Variants in STK24 observed in about 807,000 individuals in gnomAD.
STK24 encodes serine/threonine kinase 24.
STK24 carries 21 observed loss-of-function variants against 55.6 expected under a neutral mutation model. The observed-to-expected ratio is 0.38, with a 90% CI of 0.27 to 0.54. STK24 has a LOEUF of 0.54. Ranked by LOEUF, STK24 falls within the 20% of genes least tolerant of loss-of-function variation. The pLI, the probability that STK24 is intolerant of heterozygous loss-of-function variation, is 0.79. For synonymous variants in STK24, 200 were observed against 215.2 expected, an observed-to-expected ratio of 0.93 and a Z score of 0.62; for missense variants, 383 against 538.4, an observed-to-expected ratio of 0.71 and a Z score of 2.86.
At chr13:98,540,112 A>G (rs1422960435) in intron 1 of STK24, among the ~76,000 whole-genome samples, 1 of 152,224 alleles carries the variant, frequency 6.6e-6, no homozygotes, top group Non-Finnish European at 1.5e-5. Flanking sequence ...AGCCAGTCAC[A>G]AAGGAACACA....
chr13:98,573,532 A>T (rs1387887510), intron 1 of STK24, among the ~76,000 whole-genome samples: 1 of 152,238 alleles, frequency 6.6e-6, no homozygotes, highest in Non-Finnish European at 1.5e-5. Flanking sequence ...AGGCTTCAGC[A>T]ACTTTCATTA....
intron 1 of STK24, chr13:98,576,045 C>CA (rs971087081): frequency 3.0e-6 from 3 of 985,204 alleles, no homozygotes; most frequent in Non-Finnish European, 3.6e-6. Flanking sequence ...AACCAAGTCT[C>CA]AAAGTGAAAG....
chr13:98,455,787 G>A (rs528943650), intron 10 of STK24: 1 of 152,266 alleles, frequency 6.6e-6, no homozygotes, highest in Admixed American at 6.5e-5. Context: ...AGTGTGGAAA[G>A]TATTGGTTTT....
At chr13:98,517,615 G>C (rs758080742) in intron 2 of STK24, among the ~76,000 whole-genome samples, 3 of 152,142 alleles carry the variant, frequency 2.0e-5, no homozygotes, top group African/African-American at 2.4e-5. Flanking sequence ...GGGTTACACA[G>C]CACGACTCCA....
Position 98,446,337 on chromosome 13 carries a change from C to T in STK24, c.*6836G>A, listed in dbSNP as rs1237809121. The stretch of plus-strand genomic sequence containing the variant: ...GTCACGGGGATGACAGGGATGCTGG[C>T]GGGGGGCCCTGTCCACCCGAGGCCC... On this transcript the variant is annotated 3_prime_UTR_variant, in exon 11 of 11. Coordinates refer to ENST00000539966, the MANE Select transcript of STK24 (RefSeq NM_001032296.4). The T allele has an allele frequency of 2.0e-5, 13 of 641,376 alleles. No individual in the cohort carries two copies. The highest frequency in any genetic ancestry group is 1.3e-4 in the East Asian group (5 of 37,488). The allele number at this position is 641,376 out of a possible 1,614,324, so 39.7% of individuals were successfully genotyped here. A position where few individuals can be genotyped will look rare whatever the true frequency, so the allele number is the denominator to read the frequency against.
At chr13:98,542,788 G>A in intron 1 of STK24, 1 of 969,692 alleles carries the variant, frequency 1.0e-6, no homozygotes, top group Non-Finnish European at 1.2e-6. Context: ...TACTTTCTAT[G>A]CGTTTGTCTT....
intron 1 of STK24, among the ~76,000 whole-genome samples, chr13:98,528,188 T>C (rs1419556936): frequency 1.3e-5 from 2 of 152,094 alleles, no homozygotes; most frequent in Admixed American, 6.5e-5. Context: ...CTTCACAGAC[T>C]ACACAGAACG....
intron 5 of STK24, among the ~76,000 whole-genome samples, chr13:98,467,131 TAA>T (rs5806064): frequency 0.24 from 36,956 of 151,964 alleles, 4,702 homozygotes; most frequent in Non-Finnish European, 0.29. Flanking sequence ...GCCCAGAACT[TAA>T]AAAAGTTTAT....
At chr13:98,500,092 C>T (rs1357799102) in intron 2 of STK24, among the ~76,000 whole-genome samples, 3 of 152,230 alleles carry the variant, frequency 2.0e-5, no homozygotes, top group Non-Finnish European at 4.4e-5. Flanking sequence ...AATCCCACTG[C>T]ATCACTCAGA....
At chr13:98,568,825 C>T (rs1009871659) in intron 1 of STK24, among the ~76,000 whole-genome samples, 2 of 152,138 alleles carry the variant, frequency 1.3e-5, no homozygotes, top group Non-Finnish European at 2.9e-5. Flanking sequence ...ATGAAGATCA[C>T]GCCATTGCAC....
chr13:98,504,364 G>A (rs1376769047), intron 2 of STK24, among the ~76,000 whole-genome samples: 1 of 152,186 alleles, frequency 6.6e-6, no homozygotes, highest in African/African-American at 2.4e-5. Context: ...GCTTTGCTCT[G>A]GGAAAATGCA....
chr13:98,497,002 AG>A (rs1233098713), intron 2 of STK24, among the ~76,000 whole-genome samples: 1 of 152,188 alleles, frequency 6.6e-6, no homozygotes, highest in Non-Finnish European at 1.5e-5. Flanking sequence ...AGATTAGAGT[AG>A]GACAGTGTTG....
chr13:98,464,954 C>T (rs562243797), intron 6 of STK24, among the ~76,000 whole-genome samples: 30 of 152,290 alleles, frequency 2.0e-4, no homozygotes, highest in East Asian at 1.9e-4. Context: ...CCAACTTTCC[C>T]GGTTTAGAAG....
intron 3 of STK24, among the ~76,000 whole-genome samples, chr13:98,477,015 T>C (rs1211626406): frequency 6.6e-6 from 1 of 152,174 alleles, no homozygotes; most frequent in African/African-American, 2.4e-5. Context: ...CTGCCAGAAA[T>C]TGTCCCAAAT....
intron 2 of STK24, among the ~76,000 whole-genome samples, chr13:98,486,024 G>A (rs892065849): frequency 2.0e-5 from 3 of 152,168 alleles, no homozygotes; most frequent in African/African-American, 7.2e-5. Flanking sequence ...CATGGACTCG[G>A]GGAGGGGAAC....
intron 6 of STK24, among the ~76,000 whole-genome samples, chr13:98,464,084 A>G (rs1417053948): frequency 6.6e-6 from 1 of 152,116 alleles, no homozygotes; most frequent in Non-Finnish European, 1.5e-5. Flanking sequence ...ATTTTCACAG[A>G]AAACTCTGCA....
chr13:98,567,442 A>T (rs1417109162), intron 1 of STK24, among the ~76,000 whole-genome samples: 1 of 152,216 alleles, frequency 6.6e-6, no homozygotes. Flanking sequence ...CATAAACTTA[A>T]GCAAGCGTTT....
chr13:98,574,005 ATT>A (rs1322819805), intron 1 of STK24, among the ~76,000 whole-genome samples: 1 of 146,948 alleles, frequency 6.8e-6, no homozygotes, highest in African/African-American at 2.6e-5. Flanking sequence ...ACTCTGCTTT[ATT>A]TTTTTATTTT....
At chr13:98,478,641 A>G (rs1389060213) in intron 3 of STK24, among the ~76,000 whole-genome samples, 1 of 152,246 alleles carries the variant, frequency 6.6e-6, no homozygotes, top group Non-Finnish European at 1.5e-5. Context: ...TATGATGGCA[A>G]CTTGGCCTAA....
Sources: gnomAD v4.1 joint callset for allele counts (sites outside exome capture counted in the v4.1 genomes callset) on GRCh38, gnomAD v4.1.1 for gene constraint, MANE v1.5 for transcripts, NCBI Gene and HGNC (gene_info 2026-07-23, HGNC 2026-07-21) for gene names.